KIAA0586: variants seen among roughly 807,000 people sequenced by gnomAD.
KIAA0586 encodes KIAA0586.
In KIAA0586, 144 loss-of-function variants were observed where a neutral mutation model predicts 169.8. That is an observed-to-expected ratio of 0.85 (90% CI 0.74 to 0.97). The LOEUF is 0.97. KIAA0586 is among the 50% of genes least tolerant of loss of function. KIAA0586 has a pLI of 0.00. For missense variants in KIAA0586, 1,854 were observed against 1,823.0 expected (o/e 1.02, Z -0.31); for synonymous variants, 625 against 612.4 (o/e 1.02, Z -0.30).
At chr14:58,519,884 GAA>G (rs2045067892) in intron 29 of KIAA0586, among the ~76,000 whole-genome samples, 2 of 152,152 alleles carry the variant, frequency 1.3e-5, no homozygotes, top group African/African-American at 4.8e-5. Context: ...AGAAAAATGA[GAA>G]TATTTCATTA....
rs1017273332 is a variant in KIAA0586, at chr14:58,512,631, A to G, written c.4429+4A>G. The stretch of plus-strand genomic sequence containing the variant: ...ATTGCACCTTCACAGCAACAAGGTA[A>G]GACTTGTTTTTATGTAATAATACAA... On this transcript the variant is annotated splice_donor_region_variant and intron_variant, in intron 29 of 30. Transcript: ENST00000652326. 4.3e-6 allele frequency: 6 copies of G among 1,400,142 alleles called. No homozygotes were observed. Among genetic ancestry groups the G allele is most frequent in the Admixed American group, 5.6e-5 (2 of 35,920 alleles). The allele number at this position is 1,400,142 out of a possible 1,614,324, so 86.7% of individuals were successfully genotyped here. A position where few individuals can be genotyped will look rare whatever the true frequency, so the allele number is the denominator to read the frequency against.
intron 20 of KIAA0586, among the ~76,000 whole-genome samples, chr14:58,481,852 T>C (rs1407428318): frequency 1.3e-5 from 2 of 151,222 alleles, no homozygotes; most frequent in Non-Finnish European, 3.0e-5. Context: ...CTCACTCTGT[T>C]GCCCAGGCTG....
At chr14:58,520,920 A>C in intron 29 of KIAA0586, 1 of 177,180 alleles carries the variant, frequency 5.6e-6, no homozygotes, top group Non-Finnish European at 1.2e-5. Flanking sequence ...ATTCATTCTT[A>C]GGTTAATCTT....
Position 58,515,655 on chromosome 14 carries a change from A to G in KIAA0586, c.4429+3028A>G, listed in dbSNP as rs144533333. Among the ~76,000 whole-genome samples, 70 of 152,258 alleles carry G rather than the reference A, an allele frequency of 4.6e-4. No individual in the cohort carries two copies. The East Asian group carries it at 0.011, about 23-fold the overall frequency. On this transcript the variant is annotated intron_variant, in intron 29 of 30. Coordinates refer to ENST00000652326, the MANE Select transcript of KIAA0586 (RefSeq NM_001329943.3). ...AATCTTAAGATATGATAGGGATTTC[A>G]AAACTATGTGTGTGTATCTCTGATA...
intron 27 of KIAA0586, among the ~76,000 whole-genome samples, chr14:58,503,100 G>A (rs1414158528): frequency 1.3e-5 from 2 of 152,274 alleles, no homozygotes; most frequent in African/African-American, 4.8e-5. Flanking sequence ...AATGTAAGCT[G>A]TAATTTGAGT....
chr14:58,457,928 CA>C lies in KIAA0586; in HGVS notation c.1536del (p.Asp513MetfsTer66). 6.2e-7 allele frequency: 1 copy of C among 1,603,938 alleles called. No individual in the cohort carries two copies. Among genetic ancestry groups the C allele is most frequent in the Non-Finnish European group, 8.5e-7 (1 of 1,174,642 alleles). On this transcript the variant is annotated frameshift_variant, in exon 11 of 31. Coordinates refer to ENST00000652326, the MANE Select transcript of KIAA0586 (RefSeq NM_001329943.3). LOFTEE classifies it high-confidence loss of function. ...GAAAACCTGGAAGCTATTATTCGTG[CA>C]AAAGATGGAGCTGCCATGTATTCGC... ...LEENLEAIIR[A>X]KDGAAMYSLI...
In KIAA0586 at chr14:58,448,747, A is replaced by T. The variant is rs957491316; in HGVS notation, c.961+254A>T. ...TTTTTAGTTTATTTTGAAATTTTTT[A>T]AATTATGGATTATGTTCTTAACTGA... On this transcript the variant is annotated intron_variant, in intron 7 of 30. Transcript: ENST00000652326. Among the ~76,000 whole-genome samples, 75 of 152,160 alleles carry T rather than the reference A, an allele frequency of 4.9e-4. 2 individuals carry two copies. The highest frequency in any genetic ancestry group is 3.9e-3 in the Admixed American group (60 of 15,278).
At chr14:58,471,502 C>G (rs929850243) in intron 17 of KIAA0586, among the ~76,000 whole-genome samples, 4 of 151,988 alleles carry the variant, frequency 2.6e-5, no homozygotes, top group Admixed American at 6.6e-5. Flanking sequence ...TGTAACTTAC[C>G]CCAGGTTTTG....
intron 19 of KIAA0586, among the ~76,000 whole-genome samples, chr14:58,475,897 C>T (rs543473255): frequency 1.3e-5 from 2 of 152,134 alleles, no homozygotes; most frequent in South Asian, 2.1e-4. Context: ...GTCAGGAGTT[C>T]GAGACCAGCC....
intron 14 of KIAA0586, among the ~76,000 whole-genome samples, chr14:58,462,341 G>A (rs577123142): frequency 2.0e-5 from 3 of 150,912 alleles, no homozygotes; most frequent in South Asian, 2.1e-4. Context: ...TCCACCTCCC[G>A]GGTTCAAACG....
chr14:58,553,779 C>T (rs772253798), downstream of KIAA0586, among the ~76,000 whole-genome samples: 10 of 152,150 alleles, frequency 6.6e-5, no homozygotes, highest in Non-Finnish European at 1.2e-4. Context: ...TGAAGTGGCT[C>T]ATTCCAATAA....
chr14:58,537,078 A>G, intron 29 of KIAA0586: 1 of 1,246,790 alleles, frequency 8.0e-7, no homozygotes, highest in Non-Finnish European at 1.0e-6. Context: ...GTGTTGACCT[A>G]GTTGTAGGCC....
At chr14:58,461,449 T>G (rs1238591672) in intron 14 of KIAA0586, among the ~76,000 whole-genome samples, 1 of 152,154 alleles carries the variant, frequency 6.6e-6, no homozygotes, top group South Asian at 2.1e-4. Context: ...TTTAATTTTT[T>G]TTTTAGACAA....
chr14:58,461,778 T>A (rs2040342451), intron 14 of KIAA0586, among the ~76,000 whole-genome samples: 1 of 152,210 alleles, frequency 6.6e-6, no homozygotes, highest in South Asian at 2.1e-4. Context: ...TGATGAGCAC[T>A]TTTGCAGTTT....
In KIAA0586 at chr14:58,487,190, C is replaced by T. The variant is rs374338494; in HGVS notation, c.3304+24C>T. On this transcript the variant is annotated intron_variant, in intron 22 of 30. Coordinates refer to ENST00000652326, the MANE Select transcript of KIAA0586 (RefSeq NM_001329943.3). ...AGGTAGAAACTTTATTTCTATAACT[C>T]GGTTTTAATTTTAGCAACTATTAAA... 33 of 1,586,174 alleles carry T rather than the reference C, an allele frequency of 2.1e-5. 1 individual carries two copies. The highest frequency in any genetic ancestry group is 4.5e-5 in the East Asian group (2 of 44,550).
chr14:58,534,091 T>C (rs1380195866), intron 29 of KIAA0586, among the ~76,000 whole-genome samples: 1 of 152,186 alleles, frequency 6.6e-6, no homozygotes, highest in African/African-American at 2.4e-5. Flanking sequence ...TACAGTATAT[T>C]TTTAGTGATA....
intron 3 of KIAA0586, among the ~76,000 whole-genome samples, chr14:58,431,290 T>G (rs1467743337): frequency 6.6e-6 from 1 of 152,044 alleles, no homozygotes; most frequent in Non-Finnish European, 1.5e-5. Context: ...TGAGACGGAG[T>G]CTCCCTCTGT....
At chr14:58,515,689 T>C (rs1279892029) in intron 29 of KIAA0586, among the ~76,000 whole-genome samples, 1 of 151,996 alleles carries the variant, frequency 6.6e-6, no homozygotes, top group Non-Finnish European at 1.5e-5. Flanking sequence ...TAGGGAGGGG[T>C]TGGGGCACAG....
intron 29 of KIAA0586, among the ~76,000 whole-genome samples, chr14:58,539,111 G>T (rs993781984): frequency 6.6e-6 from 1 of 152,078 alleles, no homozygotes; most frequent in Non-Finnish European, 1.5e-5. Context: ...ACAAATAAAT[G>T]AGAACCTTCA....
Sources: allele counts gnomAD v4.1 joint callset (sites outside exome capture counted in the v4.1 genomes callset), GRCh38; gene constraint gnomAD v4.1.1; transcripts MANE v1.5; gene names NCBI Gene and HGNC (gene_info 2026-07-23, HGNC 2026-07-21).